Variants in AGBL4 observed in about 807,000 individuals in gnomAD.
The protein encoded by AGBL4 is cytosolic carboxypeptidase 6.
In AGBL4, 58 loss-of-function variants were observed where a neutral mutation model predicts 66.4. The observed-to-expected ratio is 0.87, with a 90% CI of 0.71 to 1.09. AGBL4 has a LOEUF of 1.09. Among genes scored for constraint, AGBL4 ranks in the 50% least tolerant of loss-of-function variants. AGBL4 has a pLI of 0.00. For missense variants in AGBL4, 579 were observed against 631.0 expected (o/e 0.92, Z 0.88); for synonymous variants, 234 against 222.9 (o/e 1.05, Z -0.44).
At chr1:49,521,966 T>C (rs1281703243) in intron 3 of AGBL4, among the ~76,000 whole-genome samples, 1 of 152,072 alleles carries the variant, frequency 6.6e-6, no homozygotes, top group Non-Finnish European at 1.5e-5. Flanking sequence ...GGTATTTTGC[T>C]CACTACCTGG....
chr1:48,949,471 G>A (rs569708445), intron 5 of AGBL4, among the ~76,000 whole-genome samples: 80 of 152,274 alleles, frequency 5.3e-4, no homozygotes, highest in African/African-American at 1.9e-3. Context: ...CAGAAAATAC[G>A]GAGGCAGCAA....
intron 2 of AGBL4, among the ~76,000 whole-genome samples, chr1:49,732,980 A>C (rs963366633): frequency 6.6e-6 from 1 of 152,182 alleles, no homozygotes; most frequent in African/African-American, 2.4e-5. Flanking sequence ...AACTGCTGAC[A>C]CCAAACATAA....
intron 1 of AGBL4, among the ~76,000 whole-genome samples, chr1:49,913,770 C>T (rs887969403): frequency 6.6e-6 from 1 of 152,200 alleles, no homozygotes; most frequent in Non-Finnish European, 1.5e-5. Context: ...TGGATGACAC[C>T]AAGGTTTATG....
At chr1:50,013,093 G>A (rs1459170440) in intron 1 of AGBL4, among the ~76,000 whole-genome samples, 6 of 152,012 alleles carry the variant, frequency 3.9e-5, no homozygotes, top group East Asian at 1.9e-4. Flanking sequence ...AAACTCTATC[G>A]AATTAAAGAT....
intron 4 of AGBL4, among the ~76,000 whole-genome samples, chr1:49,160,990 C>T (rs551904034): frequency 4.6e-5 from 7 of 152,270 alleles, no homozygotes; most frequent in African/African-American, 1.7e-4. Flanking sequence ...TCTGGGCTCC[C>T]TCGGGGTGGG....
chr1:48,989,064 C>G (rs953375808), intron 5 of AGBL4, among the ~76,000 whole-genome samples: 1 of 152,172 alleles, frequency 6.6e-6, no homozygotes, highest in Admixed American at 6.5e-5. Flanking sequence ...CAGAGAACAG[C>G]AAGGCAAAGG....
At chr1:48,563,106 T>C (rs965240535) in intron 11 of AGBL4, among the ~76,000 whole-genome samples, 2 of 152,234 alleles carry the variant, frequency 1.3e-5, no homozygotes, top group Non-Finnish European at 2.9e-5. Flanking sequence ...CCAATATCTT[T>C]GGCTGTGCCC....
At chr1:48,759,027 C>A (rs1644108831) in intron 6 of AGBL4, 1 of 1,614,050 alleles carries the variant, frequency 6.2e-7, no homozygotes, top group South Asian at 1.1e-5. Flanking sequence ...GCCTCCGAGT[C>A]CGCTCCAGCT....
chr1:49,672,750 G>A (rs1025968782), intron 3 of AGBL4, among the ~76,000 whole-genome samples: 17 of 151,170 alleles, frequency 1.1e-4, no homozygotes, highest in Admixed American at 6.6e-4. Flanking sequence ...GTGAAACCCC[G>A]TCTCAACTAA....
At chr1:49,156,213 G>A (rs377623302) in intron 4 of AGBL4, among the ~76,000 whole-genome samples, 1 of 152,140 alleles carries the variant, frequency 6.6e-6, no homozygotes, top group South Asian at 2.1e-4. Flanking sequence ...TCATCCTGAT[G>A]TTAATCATCC....
intron 4 of AGBL4, among the ~76,000 whole-genome samples, chr1:49,048,965 T>G (rs17105427): frequency 0.063 from 9,532 of 152,090 alleles, 858 homozygotes; most frequent in African/African-American, 0.21. Context: ...ACCTTCTACT[T>G]CCAGAAAAAC....
chr1:49,408,175 C>A (rs1424265995), intron 3 of AGBL4, among the ~76,000 whole-genome samples: 1 of 152,052 alleles, frequency 6.6e-6, no homozygotes, highest in Non-Finnish European at 1.5e-5. Context: ...TGTCCTAGAC[C>A]CCAGAGACTC....
intron 3 of AGBL4, among the ~76,000 whole-genome samples, chr1:49,436,734 G>T (rs1340956197): frequency 6.6e-6 from 1 of 152,050 alleles, no homozygotes; most frequent in African/African-American, 2.4e-5. Context: ...AAGGAAGGGG[G>T]TGTAGTTCCG....
chr1:49,284,408 C>G (rs1468580946), intron 3 of AGBL4, among the ~76,000 whole-genome samples: 1 of 152,142 alleles, frequency 6.6e-6, no homozygotes, highest in Non-Finnish European at 1.5e-5. Context: ...GTACCAGCCA[C>G]TGCAAAATCA....
At chr1:49,127,368 T>C (rs992887684) in intron 4 of AGBL4, among the ~76,000 whole-genome samples, 6 of 152,080 alleles carry the variant, frequency 3.9e-5, no homozygotes, top group Non-Finnish European at 7.4e-5. Flanking sequence ...CACCAAAATC[T>C]CACAAATCAC....
At chr1:49,923,662 C>G (rs534407067) in intron 1 of AGBL4, among the ~76,000 whole-genome samples, 1 of 152,088 alleles carries the variant, frequency 6.6e-6, no homozygotes, top group South Asian at 2.1e-4. Context: ...GGGACATGAA[C>G]AGACACTTCT....
At chr1:49,958,546 G>A (rs561440246) in intron 1 of AGBL4, among the ~76,000 whole-genome samples, 16 of 152,026 alleles carry the variant, frequency 1.1e-4, no homozygotes, top group African/African-American at 3.6e-4. Flanking sequence ...CCTTTCTAGG[G>A]ACATGGATGA....
chr1:49,148,582 T>C (rs1322276064), intron 4 of AGBL4, among the ~76,000 whole-genome samples: 1 of 152,182 alleles, frequency 6.6e-6, no homozygotes, highest in Non-Finnish European at 1.5e-5. Context: ...TGTCCTTCTT[T>C]AGTACCTGGG....
chr1:49,204,588 A>T (rs1647982700), intron 4 of AGBL4, among the ~76,000 whole-genome samples: 1 of 152,144 alleles, frequency 6.6e-6, no homozygotes, highest in Admixed American at 6.6e-5. Context: ...TCCCAAGATA[A>T]GGGAAATGAT....
Sources: gnomAD v4.1 joint callset for allele counts (sites outside exome capture counted in the v4.1 genomes callset) on GRCh38, gnomAD v4.1.1 for gene constraint, MANE v1.5 for transcripts, NCBI Gene and HGNC (gene_info 2026-07-23, HGNC 2026-07-21) for gene names.